The following LIMD1 variants were observed in gnomAD, a reference collection of about 807,000 sequenced individuals.
The protein encoded by LIMD1 is LIM domain-containing protein 1.
In LIMD1, 23 loss-of-function variants were observed where a neutral mutation model predicts 58.4. That is an observed-to-expected ratio of 0.39 (90% CI 0.28 to 0.56). The LOEUF is 0.56. Among genes scored for constraint, LIMD1 ranks in the 20% least tolerant of loss-of-function variants. The probability of loss-of-function intolerance (pLI) is 0.57; values close to 1 mark genes in which losing one functional copy is unlikely to be tolerated. For synonymous variants in LIMD1, 334 were observed against 345.5 expected, an observed-to-expected ratio of 0.97 and a Z score of 0.37; for missense variants, 838 against 855.5, an observed-to-expected ratio of 0.98 and a Z score of 0.25.
chr3:45,648,978 C>T (rs1701934629), intron 2 of LIMD1, among the ~76,000 whole-genome samples: 1 of 152,144 alleles, frequency 6.6e-6, no homozygotes, highest in South Asian at 2.1e-4. Flanking sequence ...TATTTTCTTT[C>T]ATTCTGTGGA....
rs1697749058 is a variant in LIMD1 at position 45,681,795 on chromosome 3, G to A, written c.*4736G>A. The A allele has an allele frequency of 6.6e-6, 1 of 152,228 alleles. No homozygotes were observed. The highest frequency in any genetic ancestry group is 2.1e-4 in the South Asian group (1 of 4,834). 9.4% of individuals were successfully genotyped at this position (152,228 alleles called of 1,614,324 possible). ...ATGTATAAAAATGTGAGAGGCCTTG[G>A]AGAATCATATCCCAAGAATCAGCAG... is the stretch of plus-strand genomic sequence containing the variant. On this transcript the variant is annotated 3_prime_UTR_variant, in exon 8 of 8. Transcript: ENST00000273317.
intron 1 of LIMD1, among the ~76,000 whole-genome samples, chr3:45,624,276 G>A (rs1701650371): frequency 7.0e-6 from 1 of 142,254 alleles, no homozygotes; most frequent in African/African-American, 2.5e-5. Context: ...GATGTCTGGT[G>A]GTGTGGTGGG....
chr3:45,625,252 A>G (rs1280054775), intron 1 of LIMD1, among the ~76,000 whole-genome samples: 2 of 152,098 alleles, frequency 1.3e-5, no homozygotes, highest in African/African-American at 4.8e-5. Flanking sequence ...CCATTTGAGA[A>G]CCACTGTTGT....
intron 4 of LIMD1, among the ~76,000 whole-genome samples, chr3:45,672,371 A>G (rs556096983): frequency 6.6e-6 from 1 of 151,918 alleles, no homozygotes; most frequent in East Asian, 1.9e-4. Flanking sequence ...CTTCCTTACC[A>G]TCTCTTTCTC....
In LIMD1 at chr3:45,649,420, G is replaced by A. The variant is rs552464425; in HGVS notation, c.1510+13169G>A. On this transcript the variant is annotated intron_variant, in intron 2 of 7. Coordinates refer to ENST00000273317, the MANE Select transcript of LIMD1 (RefSeq NM_014240.3). ...TTTTTGGCTGGGCGCGGTGGCTCAC[G>A]CCTGTAATCCCAGCACTTTGGGAGG... Among the ~76,000 whole-genome samples the A allele has an allele frequency of 1.7e-4, 25 of 151,238 alleles. 1 individual carries two copies. The South Asian group carries it at 4.6e-3, about 28-fold the overall frequency.
At chr3:45,671,857 G>C (rs1455575163) in intron 4 of LIMD1, among the ~76,000 whole-genome samples, 1 of 152,186 alleles carries the variant, frequency 6.6e-6, no homozygotes, top group Non-Finnish European at 1.5e-5. Context: ...CCTAAAAAGA[G>C]GCTTGGAGGT....
chr3:45,671,404 C>T (rs1328236207), intron 4 of LIMD1, among the ~76,000 whole-genome samples: 1 of 152,212 alleles, frequency 6.6e-6, no homozygotes. Context: ...TTTCTTCAGC[C>T]TGTTTGAAGG....
chr3:45,668,923 G>T (rs988092571), intron 4 of LIMD1, among the ~76,000 whole-genome samples: 3 of 152,104 alleles, frequency 2.0e-5, no homozygotes, highest in Admixed American at 6.5e-5. Flanking sequence ...CCTCCCTCTG[G>T]CTTCTCTGTG....
intron 2 of LIMD1, among the ~76,000 whole-genome samples, chr3:45,641,540 A>G (rs890334452): frequency 2.0e-5 from 3 of 150,244 alleles, no homozygotes; most frequent in African/African-American, 7.3e-5. Flanking sequence ...ATATATATAT[A>G]GCATATGGCA....
At chr3:45,655,762 T>C (rs1702021351) in intron 2 of LIMD1, among the ~76,000 whole-genome samples, 1 of 152,226 alleles carries the variant, frequency 6.6e-6, no homozygotes. Flanking sequence ...TCCTCTGTCC[T>C]TATTAGCTCT....
At position 45,643,756 on chromosome 3, in the gene LIMD1, A is replaced by G. The variant is rs150178836; in HGVS notation, c.1510+7505A>G. Among the ~76,000 whole-genome samples the G allele has an allele frequency of 9.4e-4, 143 of 152,366 alleles. 1 individual carries two copies. The highest frequency in any genetic ancestry group is 6.8e-3 in the Middle Eastern group (2 of 294). On this transcript the variant is annotated intron_variant, in intron 2 of 7. Coordinates refer to ENST00000273317, the MANE Select transcript of LIMD1 (RefSeq NM_014240.3). ...TGGAAGCTGGGAAGCAGCCAGTCCC[A>G]CAGTTGACAGAAATTACGCCTAGTG...
chr3:45,674,492 G>A (rs1697641056), intron 7 of LIMD1, 81 bp downstream of exon 7: 2 of 1,095,958 alleles, frequency 1.8e-6, no homozygotes, highest in Admixed American at 1.8e-5. Flanking sequence ...GGGGCAAGAG[G>A]CAGTCAACAA....
chr3:45,635,837 C>T (rs1440201017), intron 1 of LIMD1: 1 of 959,280 alleles, frequency 1.0e-6, no homozygotes, highest in Non-Finnish European at 1.2e-6. Context: ...AACTGTCTTA[C>T]AAACAGTGGG....
chr3:45,667,144 C>G (rs572537058), intron 3 of LIMD1, among the ~76,000 whole-genome samples: 2 of 152,218 alleles, frequency 1.3e-5, no homozygotes, highest in Non-Finnish European at 2.9e-5. Context: ...GTTTCACATC[C>G]GATGGGCAAG....
chr3:45,612,448 TA>T (rs1393604489), intron 1 of LIMD1, among the ~76,000 whole-genome samples: 1 of 152,248 alleles, frequency 6.6e-6, no homozygotes, highest in East Asian at 1.9e-4. Flanking sequence ...GGAAGTCATT[TA>T]GTGTCATTCT....
At chr3:45,665,867 G>C in intron 3 of LIMD1, 150 bp downstream of exon 3, 1 of 702,928 alleles carries the variant, frequency 1.4e-6, no homozygotes, top group Non-Finnish European at 2.5e-6. Flanking sequence ...GGGTGGCCAT[G>C]TTCCTGAGGC....
intron 2 of LIMD1, among the ~76,000 whole-genome samples, chr3:45,651,350 T>G (rs1701972957): frequency 6.6e-6 from 1 of 152,224 alleles, no homozygotes; most frequent in South Asian, 2.1e-4. Context: ...AGATCCCATT[T>G]GTCTATTTTG....
rs191368299 is a variant in LIMD1 at position 45,666,447 on chromosome 3, G to T, written c.1578+730G>T. ...GCCTGCTTGGTCCCAGCATGTGCAG[G>T]GTACAAAGCACACTCAGAAGCTCTC... On this transcript the variant is annotated intron_variant, in intron 3 of 7. Transcript: ENST00000273317. 2.2e-4 allele frequency among the ~76,000 whole-genome samples: 33 copies of T among 152,228 alleles called. No homozygotes were observed. In the East Asian group the frequency reaches 4.8e-3, roughly 22 times the overall value.
At chr3:45,663,856 C>T (rs1697475339) in intron 2 of LIMD1, among the ~76,000 whole-genome samples, 1 of 133,844 alleles carries the variant, frequency 7.5e-6, no homozygotes, top group Non-Finnish European at 1.6e-5. Context: ...TGCGTGGCAC[C>T]ATGCCTGGCT....
Sources: allele counts gnomAD v4.1 joint callset (sites outside exome capture counted in the v4.1 genomes callset), GRCh38; gene constraint gnomAD v4.1.1; transcripts MANE v1.5; gene names NCBI Gene and HGNC (gene_info 2026-07-23, HGNC 2026-07-21).